The following IMMP2L variants were observed in gnomAD, a reference collection of about 807,000 sequenced individuals.
IMMP2L encodes mitochondrial inner membrane protease subunit 2.
In IMMP2L, 18 loss-of-function variants were observed where a neutral mutation model predicts 19.3. The observed-to-expected ratio is 0.93, with a 90% confidence interval of 0.64 to 1.38. The LOEUF (loss-of-function observed/expected upper bound fraction) is 1.38, where lower values mean the gene tolerates loss of function less well. Among genes scored for constraint, IMMP2L ranks in the 40% most tolerant of loss-of-function variants. The pLI is 0.00. For missense variants in IMMP2L, 233 were observed against 218.2 expected (o/e 1.07, Z -0.43); for synonymous variants, 76 against 73.0 (o/e 1.04, Z -0.21).
chr7:111,438,725 G>C (rs1408991829), intron 3 of IMMP2L, among the ~76,000 whole-genome samples: 1 of 151,858 alleles, frequency 6.6e-6, no homozygotes, highest in Non-Finnish European at 1.5e-5. Context: ...TGTAGGATTA[G>C]TCACGCTTCT....
intron 3 of IMMP2L, among the ~76,000 whole-genome samples, chr7:111,171,120 G>A (rs941282492): frequency 4.0e-5 from 6 of 151,258 alleles, no homozygotes; most frequent in African/African-American, 1.5e-4. Flanking sequence ...TAAGTATAAA[G>A]TGATGAAGGC....
intron 3 of IMMP2L, among the ~76,000 whole-genome samples, chr7:111,156,479 C>T (rs1462872841): frequency 6.6e-6 from 1 of 152,100 alleles, no homozygotes; most frequent in African/African-American, 2.4e-5. Context: ...CCTGGTTACT[C>T]TTGGGCGTTT....
intron 3 of IMMP2L, among the ~76,000 whole-genome samples, chr7:111,312,141 T>A (rs958611936): frequency 6.6e-6 from 1 of 152,116 alleles, no homozygotes; most frequent in Admixed American, 6.6e-5. Context: ...GAAGTCACTA[T>A]GGCCATTACA....
intron 3 of IMMP2L, among the ~76,000 whole-genome samples, chr7:110,999,410 T>C (rs1823399652): frequency 6.6e-6 from 1 of 151,458 alleles, no homozygotes; most frequent in South Asian, 2.1e-4. Context: ...TATTTTTTTC[T>C]GTTTGTCTTC....
chr7:111,253,206 A>G (rs887396029), intron 3 of IMMP2L, among the ~76,000 whole-genome samples: 2 of 152,206 alleles, frequency 1.3e-5, no homozygotes, highest in African/African-American at 2.4e-5. Context: ...TTCTCCAAAC[A>G]CAAACTACTA....
chr7:111,031,072 A>C (rs907390700), intron 3 of IMMP2L, among the ~76,000 whole-genome samples: 7 of 151,912 alleles, frequency 4.6e-5, no homozygotes, highest in African/African-American at 1.7e-4. Context: ...TAGGAGACAC[A>C]GTATGAACAC....
intron 5 of IMMP2L, among the ~76,000 whole-genome samples, chr7:110,863,552 G>A (rs1354011623): frequency 4.6e-5 from 7 of 152,094 alleles, no homozygotes; most frequent in East Asian, 3.9e-4. Context: ...TCTTTCCCCC[G>A]GCTAGCAATA....
At chr7:111,515,431 G>A (rs1179494559) in intron 2 of IMMP2L, among the ~76,000 whole-genome samples, 2 of 151,996 alleles carry the variant, frequency 1.3e-5, no homozygotes, top group African/African-American at 4.8e-5. Context: ...TGCCTTCTAT[G>A]AGCCTATGGC....
rs187718434 is a variant in IMMP2L at position 111,341,492 on chromosome 7, T to C, written c.239+145746A>G. Reference sequence around the variant, plus strand: ...ACCAAATGAGACTTTCAATCCAGTCTTAACACACCTAAACATATATAAATA... The same window carrying C: ...ACCAAATGAGACTTTCAATCCAGTCCTAACACACCTAAACATATATAAATA... On this transcript the variant is annotated intron_variant, in intron 3 of 5. Transcript: ENST00000405709. 2.6e-5 allele frequency among the ~76,000 whole-genome samples: 4 copies of C among 152,276 alleles called. No individual in the cohort carries two copies. The East Asian group carries it at 7.7e-4, about 29-fold the overall frequency.
chr7:111,472,120 T>A lies in IMMP2L; in HGVS notation c.239+15118A>T, dbSNP rs527399227. Among the ~76,000 whole-genome samples, 4 of 152,286 alleles carry A rather than the reference T, an allele frequency of 2.6e-5. No homozygotes were observed. In the East Asian group the frequency reaches 5.8e-4, roughly 22 times the overall value. ...TATCCTTTGTTCACCAGTCAACTTG[T>A]AATTTAACTAATATTGTTAACGTAT... On this transcript the variant is annotated intron_variant, in intron 3 of 5. Coordinates refer to ENST00000405709, the MANE Select transcript of IMMP2L (RefSeq NM_032549.4).
At chr7:111,418,877 A>G (rs1835199412) in intron 3 of IMMP2L, among the ~76,000 whole-genome samples, 1 of 151,830 alleles carries the variant, frequency 6.6e-6, no homozygotes, top group South Asian at 2.1e-4. Flanking sequence ...GCTAAATGCC[A>G]CTTATGCAAA....
intron 3 of IMMP2L, among the ~76,000 whole-genome samples, chr7:111,278,640 A>G (rs1472259613): frequency 6.6e-6 from 1 of 152,194 alleles, no homozygotes; most frequent in Non-Finnish European, 1.5e-5. Flanking sequence ...TAACGCTCCA[A>G]CTGAAGACTT....
chr7:111,223,312 G>A (rs909253231), intron 3 of IMMP2L, among the ~76,000 whole-genome samples: 2 of 150,864 alleles, frequency 1.3e-5, no homozygotes, highest in African/African-American at 2.5e-5. Flanking sequence ...GTTAAAATAC[G>A]ATAAAACTGG....
chr7:111,291,937 C>G (rs2129698332), intron 3 of IMMP2L, among the ~76,000 whole-genome samples: 1 of 152,248 alleles, frequency 6.6e-6, no homozygotes, highest in African/African-American at 2.4e-5. Flanking sequence ...GGAATCTCCA[C>G]AAGCTTCCAA....
Position 111,279,674 on chromosome 7 carries a change from G to A in IMMP2L, c.239+207564C>T, listed in dbSNP as rs556547129. Among the ~76,000 whole-genome samples the A allele has an allele frequency of 2.0e-5, 3 of 152,256 alleles. No individual in the cohort carries two copies. In the South Asian group the frequency reaches 6.2e-4, roughly 32 times the overall value. ...CAAAGCAAAGATCTGAACTCAGGAA[G>A]TCGGGTGCAAAAACATGTGCTTTTA... On this transcript the variant is annotated intron_variant, in intron 3 of 5. Coordinates refer to ENST00000405709, the MANE Select transcript of IMMP2L (RefSeq NM_032549.4).
At chr7:110,996,167 T>A (rs1044497830) in intron 3 of IMMP2L, among the ~76,000 whole-genome samples, 1 of 152,070 alleles carries the variant, frequency 6.6e-6, no homozygotes, top group Non-Finnish European at 1.5e-5. Context: ...CAAAATACCA[T>A]TGGAGTGTGT....
intron 5 of IMMP2L, among the ~76,000 whole-genome samples, chr7:110,828,444 C>A (rs1803690017): frequency 6.6e-6 from 1 of 152,138 alleles, no homozygotes; most frequent in African/African-American, 2.4e-5. Context: ...ATCATTCTGG[C>A]ACTCTGTTTC....
chr7:111,076,010 A>G lies in IMMP2L; in HGVS notation c.240-112445T>C, dbSNP rs575103719. 7.9e-5 allele frequency among the ~76,000 whole-genome samples: 12 copies of G among 152,296 alleles called. No individual in the cohort carries two copies. The South Asian group carries it at 2.3e-3, about 29-fold the overall frequency. On this transcript the variant is annotated intron_variant, in intron 3 of 5. Coordinates refer to ENST00000405709, the MANE Select transcript of IMMP2L (RefSeq NM_032549.4). ...GAACTAAATTTCTTATCTAGTTAAAATTTGGTCTAGTCTAATAGTTTCATA... is the reference window on the plus strand; with the variant it reads ...GAACTAAATTTCTTATCTAGTTAAAGTTTGGTCTAGTCTAATAGTTTCATA...
At chr7:110,677,383 A>T (rs182207060) in intron 5 of IMMP2L, among the ~76,000 whole-genome samples, 132 of 152,328 alleles carry the variant, frequency 8.7e-4, no homozygotes, top group African/African-American at 3.1e-3. Flanking sequence ...TTAAACATGT[A>T]TTAACATATC....
Sources: allele counts gnomAD v4.1 joint callset (sites outside exome capture counted in the v4.1 genomes callset), GRCh38; gene constraint gnomAD v4.1.1; transcripts MANE v1.5; gene names NCBI Gene and HGNC (gene_info 2026-07-23, HGNC 2026-07-21).